PLCD4: variants seen among roughly 807,000 people sequenced by gnomAD.
PLCD4 encodes the protein 1-phosphatidylinositol 4,5-bisphosphate phosphodiesterase delta-4.
PLCD4 carries 63 observed loss-of-function variants against 90.2 expected under a neutral mutation model. The observed-to-expected ratio is 0.70, with a 90% CI of 0.57 to 0.86. The LOEUF is 0.86. Ranked by LOEUF, PLCD4 falls within the 40% of genes least tolerant of loss-of-function variation. PLCD4 has a pLI of 0.00. For synonymous variants in PLCD4, 294 were observed against 356.5 expected, an observed-to-expected ratio of 0.82 and a Z score of 1.97; for missense variants, 830 against 956.3, an observed-to-expected ratio of 0.87 and a Z score of 1.74.
chr2:218,637,023 T>C lies in PLCD4; in HGVS notation c.*446T>C. ...AGCCCAAAGCCAAGGGAAGGATAAA[T>C]CAAGGCTCAAGGCTTCCCCAGCAAA... is the stretch of plus-strand genomic sequence containing the variant. On this transcript the variant is annotated 3_prime_UTR_variant, in exon 16 of 16. Transcript: ENST00000450993. 19 of 414,098 alleles carry C rather than the reference T, an allele frequency of 4.6e-5. No homozygotes were observed. The highest frequency in any genetic ancestry group is 3.4e-4 in the South Asian group (19 of 55,636). 25.7% of individuals were successfully genotyped at this position (414,098 alleles called of 1,614,324 possible). A position where few individuals can be genotyped will look rare whatever the true frequency, so the allele number is the denominator to read the frequency against.
intron 10 of PLCD4, among the ~76,000 whole-genome samples, chr2:218,632,845 G>A (rs1288129617): frequency 6.6e-6 from 1 of 152,174 alleles, no homozygotes; most frequent in Non-Finnish European, 1.5e-5. Flanking sequence ...AGGAAGGAGA[G>A]CATTTTGAGG....
At position 218,634,716 on chromosome 2, in the gene PLCD4, A is replaced by T; in HGVS notation, c.1896+86A>T. 1 of 1,450,450 alleles carries T rather than the reference A, an allele frequency of 6.9e-7. No individual in the cohort carries two copies. Among genetic ancestry groups the T allele is most frequent in the Non-Finnish European group, 9.4e-7 (1 of 1,060,672 alleles). 89.8% of individuals were successfully genotyped at this position (1,450,450 alleles called of 1,614,324 possible). A position where few individuals can be genotyped will look rare whatever the true frequency, so the allele number is the denominator to read the frequency against. ...AGGTGGCTAGGCCTGACCGGAATGT[A>T]GAGGCCGGATAGCCTATTAACAGTG... On this transcript the variant is annotated intron_variant, in intron 13 of 15. Transcript: ENST00000450993. This position sits in a 1 kb window ranked among gnomAD's most constrained non-coding sequence, Gnocchi z 4.0.
Position 218,615,918 on chromosome 2 carries a change from C to T in PLCD4, c.37C>T (p.Gln13Ter). 2.5e-6 allele frequency: 4 copies of T among 1,614,040 alleles called. No individual in the cohort carries two copies. Among genetic ancestry groups the T allele is most frequent in the Non-Finnish European group, 3.4e-6 (4 of 1,179,906 alleles). Reference protein sequence around the residue: ...SLLQDQLTTDQDLLLMQEGMP... With the variant: ...SLLQDQLTTD ...TCCTGACCTAGAGCTGACCACTGAT[C>T]AGGACTTGCTGCTGATGCAGGAAGG... Residue 13 changes from glutamine (Q) to a stop codon, truncating the protein, a stop_gained, in exon 3 of 16, where the codon CAG becomes TAG. Coordinates refer to ENST00000450993, the MANE Select transcript of PLCD4 (RefSeq NM_032726.4). LOFTEE classifies it high-confidence loss of function.
rs1696599421 is a variant in PLCD4 at position 218,634,543 on chromosome 2, G to A, written c.1809G>A (p.Leu603=). ...AGAATGGCGGCTGTGGCTATGTGCT[G>A]AAGCCAGACTTCCTGCGTGATATCC... ...FRQNGGCGYV[L]KPDFLRDIQS... is the part of the protein sequence containing the mutation. The change falls in exon 13 of 16, where the codon CTG becomes CTA. Residue 603 remains leucine (L), a synonymous_variant. Coordinates refer to ENST00000450993, the MANE Select transcript of PLCD4 (RefSeq NM_032726.4). This position sits in a 1 kb window ranked among gnomAD's most constrained non-coding sequence, Gnocchi z 4.0. The A allele has an allele frequency of 6.2e-7, 1 of 1,614,052 alleles. No individual in the cohort carries two copies. Among genetic ancestry groups the A allele is most frequent in the African/African-American group, 1.3e-5 (1 of 75,068 alleles).
chr2:218,635,244 G>C (rs1289771612), intron 13 of PLCD4, among the ~76,000 whole-genome samples: 2 of 151,812 alleles, frequency 1.3e-5, no homozygotes, highest in East Asian at 3.9e-4. Flanking sequence ...TTCCAGCTTG[G>C]TCAAGAGTAT....
chr2:218,635,696 T>G, intron 13 of PLCD4, 100 bp from the exon 14 acceptor site: 1 of 1,458,042 alleles, frequency 6.9e-7, no homozygotes, highest in South Asian at 1.4e-5. Context: ...TGGAGGATGT[T>G]TTACAAACCA....
At chr2:218,632,845 G>C (rs1288129617) in intron 10 of PLCD4, among the ~76,000 whole-genome samples, 4 of 152,174 alleles carry the variant, frequency 2.6e-5, no homozygotes, top group Non-Finnish European at 5.9e-5. Flanking sequence ...AGGAAGGAGA[G>C]CATTTTGAGG....
At chr2:218,610,142 T>A (rs13012955) in intron 1 of PLCD4, among the ~76,000 whole-genome samples, 3,767 of 151,382 alleles carry the variant, frequency 0.025, 88 homozygotes, top group African/African-American at 0.061. Flanking sequence ...TTAAAAAAAA[T>A]TTTTTTTATA....
intron 3 of PLCD4, 64 bp downstream of exon 3, chr2:218,616,126 G>T: frequency 6.4e-7 from 1 of 1,572,558 alleles, no homozygotes; most frequent in Non-Finnish European, 8.7e-7. Flanking sequence ...AGCCCGGCAG[G>T]GGAGGGACCA....
intron 14 of PLCD4, 135 bp downstream of exon 14, chr2:218,636,066 C>T (rs1696722833): frequency 6.9e-7 from 1 of 1,451,022 alleles, no homozygotes; most frequent in Admixed American, 2.1e-5. Context: ...TACAAAGAAT[C>T]CTGGCTCTTC....
In PLCD4 at chr2:218,636,408, T is replaced by TG; in HGVS notation, c.2182+18dup. 1 of 1,614,018 alleles carries TG rather than the reference T, an allele frequency of 6.2e-7. No individual in the cohort carries two copies. Among genetic ancestry groups the TG allele is most frequent in the African/African-American group, 1.3e-5 (1 of 75,068 alleles). The stretch of plus-strand genomic sequence containing the variant: ...ATGCAACAAGGTGAGCCAGCCCCTT[T>TG]GGCCCCTGGCCAATACCCCAGCTCT... On this transcript the variant is annotated intron_variant, in intron 15 of 15. Transcript: ENST00000450993.
intron 2 of PLCD4, 25 bp downstream of exon 2, chr2:218,615,786 G>C: frequency 6.2e-7 from 1 of 1,604,114 alleles, no homozygotes; most frequent in Non-Finnish European, 8.5e-7. Context: ...CCCTGCAGGG[G>C]AAGAGGCCTT....
intron 1 of PLCD4, among the ~76,000 whole-genome samples, chr2:218,614,095 C>T (rs1248693297): frequency 6.6e-6 from 1 of 151,618 alleles, no homozygotes; most frequent in Non-Finnish European, 1.5e-5. Context: ...TCTCGGCCCA[C>T]TGCAACCTCT....
At chr2:218,628,347 G>A in intron 7 of PLCD4, 117 bp downstream of exon 7, 1 of 984,854 alleles carries the variant, frequency 1.0e-6, no homozygotes, top group Admixed American at 2.0e-5. Context: ...GGGCTGAGGA[G>A]CCCTGGATAC....
chr2:218,616,978 A>G (rs1188256945), intron 3 of PLCD4, among the ~76,000 whole-genome samples: 1 of 108,650 alleles, frequency 9.2e-6, no homozygotes, highest in Non-Finnish European at 1.9e-5. Flanking sequence ...AGAGAGAGAG[A>G]GAGAGAGATG....
intron 6 of PLCD4, among the ~76,000 whole-genome samples, chr2:218,623,684 A>T (rs747818168): frequency 1.3e-5 from 2 of 151,332 alleles, no homozygotes; most frequent in Non-Finnish European, 3.0e-5. Flanking sequence ...TCCTTTTTCT[A>T]TTTTTTTGTT....
At chr2:218,626,110 AT>A (rs1428348559) in intron 6 of PLCD4, among the ~76,000 whole-genome samples, 7 of 152,148 alleles carry the variant, frequency 4.6e-5, no homozygotes, top group South Asian at 4.2e-4. Flanking sequence ...AATAAAAAAA[AT>A]AACCAGGCTT....
chr2:218,630,789 T>G lies in PLCD4; in HGVS notation c.1259T>G (p.Leu420Arg). ...TTGGATGGGGTGCTGCCCACTCAGC[T>G]GCCCTCGCCTGAGGTAGGGACACTG... ...TTLDGVLPTQ[L>R]PSPEELRRKI... Residue 420 changes from leucine (L) to arginine (R), a missense_variant, in exon 9 of 16, where the codon CTG (leucine) becomes CGG (arginine). Transcript: ENST00000450993. 1 of 1,612,912 alleles carries G rather than the reference T, an allele frequency of 6.2e-7. No homozygotes were observed. Among genetic ancestry groups the G allele is most frequent in the Non-Finnish European group, 8.5e-7 (1 of 1,179,348 alleles).
rs966564080 is a variant in PLCD4 at position 218,635,891 on chromosome 2, A to G, written c.1992A>G (p.Leu664=). Residue 664 remains leucine, a synonymous_variant, in exon 14 of 16, where the codon CTA becomes CTG. Transcript: ENST00000450993. ...AAGTGCAGATCTTTGGCGTTCGTCT[A>G]GACACAGCACGGCAGGAGACCAACT... ...LVKVQIFGVR[L]DTARQETNYV... 5.6e-6 allele frequency: 9 copies of G among 1,613,926 alleles called. No individual in the cohort carries two copies. Among genetic ancestry groups the G allele is most frequent in the Non-Finnish European group, 7.6e-6 (9 of 1,179,912 alleles).
Sources: gnomAD v4.1 joint callset for allele counts (sites outside exome capture counted in the v4.1 genomes callset) on GRCh38, gnomAD v4.1.1 for gene constraint, Gnocchi (gnomAD v3.1) non-coding constraint, MANE v1.5 for transcripts, NCBI Gene and HGNC (gene_info 2026-07-23, HGNC 2026-07-21) for gene names.